The following NME7 variants were observed in gnomAD, a reference collection of about 807,000 sequenced individuals.
The protein encoded by NME7 is nucleoside diphosphate kinase 7.
Under a neutral mutation model 49.1 loss-of-function variants are expected in NME7, and 41 were observed. That is an observed-to-expected ratio of 0.83 (90% CI 0.65 to 1.08). The LOEUF is 1.08. Ranked by LOEUF, NME7 falls within the 50% of genes least tolerant of loss-of-function variation. The pLI, the probability that NME7 is intolerant of heterozygous loss-of-function variation, is 0.00. For missense variants in NME7, 423 were observed against 463.4 expected (o/e 0.91, Z 0.80); for synonymous variants, 139 against 150.6 (o/e 0.92, Z 0.56).
At chr1:169,171,332 A>AT (rs1364574208) in intron 10 of NME7, among the ~76,000 whole-genome samples, 14 of 152,104 alleles carry the variant, frequency 9.2e-5, no homozygotes, top group African/African-American at 3.4e-4. Flanking sequence ...ACACCACTGC[A>AT]CTCCAGCCTG....
At chr1:169,261,776 T>A (rs998841679) in intron 7 of NME7, among the ~76,000 whole-genome samples, 1 of 133,742 alleles carries the variant, frequency 7.5e-6, no homozygotes, top group Non-Finnish European at 1.8e-5. Context: ...TAAAAATGCA[T>A]ATTCTTGGGC....
chr1:169,287,046 A>G (rs957959588), intron 7 of NME7: 2 of 351,312 alleles, frequency 5.7e-6, no homozygotes, highest in Non-Finnish European at 1.0e-5. Context: ...TCAATTAGCC[A>G]AGATCTGTAA....
chr1:169,296,839 C>G (rs145716764), intron 6 of NME7, among the ~76,000 whole-genome samples: 1 of 152,008 alleles, frequency 6.6e-6, no homozygotes, highest in Non-Finnish European at 1.5e-5. Context: ...GACCTTCAAC[C>G]GTTAATATAT....
chr1:169,279,416 C>A (rs1649903459), intron 7 of NME7, among the ~76,000 whole-genome samples: 1 of 152,208 alleles, frequency 6.6e-6, no homozygotes, highest in African/African-American at 2.4e-5. Flanking sequence ...CCCAGCCTTG[C>A]TGCCAACTTG....
At chr1:169,149,794 T>C (rs1298422196) in intron 11 of NME7, among the ~76,000 whole-genome samples, 1 of 152,184 alleles carries the variant, frequency 6.6e-6, no homozygotes, top group Non-Finnish European at 1.5e-5. Flanking sequence ...ACGAATTGCT[T>C]ACTTCTGGAA....
chr1:169,350,244 A>AGGC (rs879636669), intron 1 of NME7, among the ~76,000 whole-genome samples: 1 of 125,988 alleles, frequency 7.9e-6, no homozygotes, highest in African/African-American at 2.9e-5. Flanking sequence ...GAAAGAAAGA[A>AGGC]AGAAGGAAGG....
chr1:169,250,872 G>A (rs1030481342), intron 7 of NME7, among the ~76,000 whole-genome samples: 4 of 152,076 alleles, frequency 2.6e-5, no homozygotes, highest in Non-Finnish European at 5.9e-5. Flanking sequence ...AAAATTTATA[G>A]AGACTTGTTT....
chr1:169,296,308 C>T (rs1278099325), intron 6 of NME7, among the ~76,000 whole-genome samples: 1 of 152,138 alleles, frequency 6.6e-6, no homozygotes, highest in Non-Finnish European at 1.5e-5. Flanking sequence ...TTTAACAATC[C>T]ATTCTTAGTC....
At chr1:169,296,090 T>G (rs1650695704) in intron 6 of NME7, among the ~76,000 whole-genome samples, 1 of 152,068 alleles carries the variant, frequency 6.6e-6, no homozygotes, top group Admixed American at 6.6e-5. Context: ...TAAAAAAAAT[T>G]GATACTACTT....
chr1:169,219,305 C>T (rs965499848), intron 10 of NME7, among the ~76,000 whole-genome samples: 2 of 152,058 alleles, frequency 1.3e-5, no homozygotes, highest in African/African-American at 2.4e-5. Context: ...TTGCAAAAAG[C>T]AAAACTTGAA....
chr1:169,256,270 T>G lies in NME7; in HGVS notation c.755-18583A>C, dbSNP rs1317473947. On this transcript the variant is annotated intron_variant, in intron 7 of 11. Coordinates refer to ENST00000367811, the MANE Select transcript of NME7 (RefSeq NM_013330.5). ...TGGAGGCTTTACTCATTTCTTTGTA[T>G]TCTTTTTTCTCTAAACTTTCCTTCT... Among the ~76,000 whole-genome samples the G allele has an allele frequency of 5.5e-4, 73 of 133,726 alleles. 23 individuals carry two copies. Among genetic ancestry groups the G allele is most frequent in the East Asian group, 8.0e-4 (4 of 5,018 alleles). 87.7% of individuals were successfully genotyped at this position (133,726 alleles called of 152,430 possible). A position where few individuals can be genotyped will look rare whatever the true frequency, so the allele number is the denominator to read the frequency against.
chr1:169,322,489 G>A (rs1651887335), intron 3 of NME7: 1 of 152,072 alleles, frequency 6.6e-6, no homozygotes, highest in Non-Finnish European at 1.5e-5. Context: ...ACTTTTGTGG[G>A]TCACACTCTG....
intron 10 of NME7, among the ~76,000 whole-genome samples, chr1:169,205,607 G>C (rs1660653021): frequency 6.6e-6 from 1 of 152,112 alleles, no homozygotes; most frequent in African/African-American, 2.4e-5. Flanking sequence ...AAGAATCTCA[G>C]GCGGCCTGGC....
intron 1 of NME7, among the ~76,000 whole-genome samples, chr1:169,340,150 T>A (rs1019327863): frequency 6.6e-6 from 1 of 152,208 alleles, no homozygotes; most frequent in Non-Finnish European, 1.5e-5. Context: ...CAGCCAAATC[T>A]CCTCTTGAAT....
intron 7 of NME7, among the ~76,000 whole-genome samples, chr1:169,245,358 A>G (rs12117559): frequency 0.24 from 36,692 of 152,106 alleles, 5,467 homozygotes; most frequent in Non-Finnish European, 0.34. Context: ...TTTGGTGAGC[A>G]AAACAACTTA....
At chr1:169,187,409 CT>C (rs1393555031) in intron 10 of NME7, among the ~76,000 whole-genome samples, 2 of 151,996 alleles carry the variant, frequency 1.3e-5, no homozygotes, top group Non-Finnish European at 2.9e-5. Context: ...TAAGAACTTG[CT>C]TTATGAATCT....
At chr1:169,138,599 G>A (rs1468402538) in intron 11 of NME7, among the ~76,000 whole-genome samples, 2 of 151,790 alleles carry the variant, frequency 1.3e-5, no homozygotes, top group East Asian at 3.9e-4. Flanking sequence ...CACACCTGTA[G>A]TCCCAGCCGC....
At chr1:169,226,793 C>A (rs975658401) in intron 10 of NME7, among the ~76,000 whole-genome samples, 1 of 152,088 alleles carries the variant, frequency 6.6e-6, no homozygotes, top group African/African-American at 2.4e-5. Flanking sequence ...ATTTCCACCT[C>A]CTAAAGATAA....
At chr1:169,160,615 A>G (rs1001575444) in intron 11 of NME7, among the ~76,000 whole-genome samples, 2 of 152,266 alleles carry the variant, frequency 1.3e-5, no homozygotes, top group Non-Finnish European at 2.9e-5. Flanking sequence ...AGGTTAAATA[A>G]AAATGATATA....
Sources: allele counts gnomAD v4.1 joint callset (sites outside exome capture counted in the v4.1 genomes callset), GRCh38; gene constraint gnomAD v4.1.1; transcripts MANE v1.5; gene names NCBI Gene and HGNC (gene_info 2026-07-23, HGNC 2026-07-21).